Variants in OPCML observed in about 807,000 individuals in gnomAD.
The protein encoded by OPCML is opioid-binding protein/cell adhesion molecule.
OPCML carries 13 observed loss-of-function variants against 37.8 expected under a neutral mutation model. The ratio of observed to expected loss-of-function variants is 0.34; its 90% CI spans 0.22 to 0.55. The LOEUF (loss-of-function observed/expected upper bound fraction) is 0.55. Among genes scored for constraint, OPCML ranks in the 20% least tolerant of loss-of-function variants. OPCML has a pLI of 0.91. For missense variants in OPCML, 341 were observed against 435.6 expected (o/e 0.78, Z 1.93); for synonymous variants, 176 against 168.8 (o/e 1.04, Z -0.33).
intron 3 of OPCML, among the ~76,000 whole-genome samples, chr11:132,548,278 G>T (rs2096373444): frequency 6.6e-6 from 1 of 152,172 alleles, no homozygotes; most frequent in South Asian, 2.1e-4. Flanking sequence ...TCTAAAGGAA[G>T]TAGGGCAGAA....
chr11:133,018,111 C>T (rs1479250430), intron 1 of OPCML, among the ~76,000 whole-genome samples: 1 of 152,136 alleles, frequency 6.6e-6, no homozygotes, highest in African/African-American at 2.4e-5. Context: ...TGTGTTCCTG[C>T]CATAGTTTTC....
At chr11:132,994,940 T>G (rs1408823354) in intron 1 of OPCML, among the ~76,000 whole-genome samples, 1 of 152,230 alleles carries the variant, frequency 6.6e-6, no homozygotes, top group African/African-American at 2.4e-5. Flanking sequence ...CATACCCATG[T>G]GTCAGCTGAG....
At chr11:133,015,246 G>T (rs1947298700) in intron 1 of OPCML, among the ~76,000 whole-genome samples, 1 of 150,612 alleles carries the variant, frequency 6.6e-6, no homozygotes, top group Non-Finnish European at 1.5e-5. Flanking sequence ...CACACTAGTA[G>T]ATGTAAATCA....
chr11:133,395,956 C>T (rs1374582720), intron 1 of OPCML, among the ~76,000 whole-genome samples: 4 of 152,146 alleles, frequency 2.6e-5, no homozygotes, highest in Admixed American at 1.3e-4. Flanking sequence ...TGCATTGAAT[C>T]TATAGATTGC....
At chr11:133,526,418 C>T (rs7926500) in intron 1 of OPCML, among the ~76,000 whole-genome samples, 28,912 of 152,012 alleles carry the variant, frequency 0.19, 3,298 homozygotes, top group Admixed American at 0.31. Context: ...TGCATGTGTG[C>T]CTTGCGTGTA....
intron 1 of OPCML, among the ~76,000 whole-genome samples, chr11:133,111,791 T>C (rs569959798): frequency 6.6e-6 from 1 of 152,314 alleles, no homozygotes; most frequent in Non-Finnish European, 1.5e-5. Context: ...TCATAGATGA[T>C]ATTGGTTCCA....
intron 1 of OPCML, among the ~76,000 whole-genome samples, chr11:133,256,822 A>G (rs989976175): frequency 1.3e-5 from 2 of 152,240 alleles, no homozygotes; most frequent in African/African-American, 4.8e-5. Flanking sequence ...GGTATTCTGT[A>G]TTATTATCAT....
At chr11:133,404,235 C>T (rs565317240) in intron 1 of OPCML, among the ~76,000 whole-genome samples, 1 of 152,344 alleles carries the variant, frequency 6.6e-6, no homozygotes, top group East Asian at 1.9e-4. Context: ...AGAAAACTGG[C>T]CACTGGATAA....
chr11:132,435,167 G>A (rs1400047099), intron 7 of OPCML: 1 of 1,289,198 alleles, frequency 7.8e-7, no homozygotes, highest in East Asian at 5.6e-5. Flanking sequence ...ACCTGCCACT[G>A]CTGATGAGGG....
chr11:133,401,532 G>C (rs1945405960), intron 1 of OPCML, among the ~76,000 whole-genome samples: 1 of 151,854 alleles, frequency 6.6e-6, no homozygotes, highest in Non-Finnish European at 1.5e-5. Context: ...GGCAGAGCTG[G>C]GTCTCATACC....
intron 1 of OPCML, among the ~76,000 whole-genome samples, chr11:133,358,212 GT>G (rs770984566): frequency 4.9e-4 from 75 of 152,282 alleles, no homozygotes; most frequent in Non-Finnish European, 9.7e-4. Flanking sequence ...ACAACATGCT[GT>G]TTTCCAGATC....
At chr11:132,824,545 T>C (rs985572382) in intron 2 of OPCML, among the ~76,000 whole-genome samples, 1 of 152,136 alleles carries the variant, frequency 6.6e-6, no homozygotes. Context: ...ATACACTTTG[T>C]CTCCACTTAC....
At chr11:132,863,207 A>G (rs1942380881) in intron 2 of OPCML, among the ~76,000 whole-genome samples, 1 of 152,208 alleles carries the variant, frequency 6.6e-6, no homozygotes, top group Admixed American at 6.5e-5. Flanking sequence ...TGTTTGCAGC[A>G]GAAAATCCTG....
intron 1 of OPCML, among the ~76,000 whole-genome samples, chr11:133,140,531 T>TAATAATAAG (rs1272061685): frequency 0.023 from 2,042 of 88,022 alleles, 29 homozygotes; most frequent in African/African-American, 0.025. Context: ...ATAATAATAA[T>TAATAATAAG]AAGAAGAAGA....
At chr11:133,458,033 C>G (rs1439900962) in intron 1 of OPCML, among the ~76,000 whole-genome samples, 1 of 151,922 alleles carries the variant, frequency 6.6e-6, no homozygotes, top group Non-Finnish European at 1.5e-5. Flanking sequence ...GCAATCCGAG[C>G]TACTTGGGAA....
chr11:132,889,470 G>T (rs1015715731), intron 2 of OPCML, among the ~76,000 whole-genome samples: 2 of 152,166 alleles, frequency 1.3e-5, no homozygotes, highest in Non-Finnish European at 2.9e-5. Flanking sequence ...TGTAGCTGAA[G>T]ATCTTGGAAT....
intron 1 of OPCML, among the ~76,000 whole-genome samples, chr11:132,988,410 A>G (rs1315769356): frequency 1.3e-5 from 2 of 152,210 alleles, no homozygotes; most frequent in East Asian, 3.9e-4. Flanking sequence ...CATCTCTGCC[A>G]AGGGAAGTAC....
chr11:132,556,672 A>C (rs1219938991), intron 3 of OPCML, among the ~76,000 whole-genome samples: 1 of 152,166 alleles, frequency 6.6e-6, no homozygotes, highest in Non-Finnish European at 1.5e-5. Flanking sequence ...CTGCATTAAG[A>C]GGAGGTCAGA....
At chr11:133,118,997 G>A (rs763697024) in intron 1 of OPCML, among the ~76,000 whole-genome samples, 1 of 152,240 alleles carries the variant, frequency 6.6e-6, no homozygotes, top group Non-Finnish European at 1.5e-5. Flanking sequence ...GGCTTTCTGT[G>A]TGAGGCTCTA....
Sources: gnomAD v4.1 joint callset for allele counts (sites outside exome capture counted in the v4.1 genomes callset) on GRCh38, gnomAD v4.1.1 for gene constraint, MANE v1.5 for transcripts, NCBI Gene and HGNC (gene_info 2026-07-23, HGNC 2026-07-21) for gene names.